ANGPT2: variants seen among roughly 807,000 people sequenced by gnomAD.
ANGPT2 encodes the protein angiopoietin-2.
A neutral mutation model predicts 62.9 loss-of-function variants in ANGPT2; 28 were observed. The ratio of observed to expected loss-of-function variants is 0.44; its 90% CI spans 0.33 to 0.61. The LOEUF is 0.61. Among genes scored for constraint, ANGPT2 ranks in the 20% least tolerant of loss-of-function variants. The probability of loss-of-function intolerance (pLI) is 0.03; values close to 1 mark genes in which losing one functional copy is unlikely to be tolerated. For synonymous variants in ANGPT2, 284 were observed against 207.8 expected, an observed-to-expected ratio of 1.37 and a Z score of -3.15; for missense variants, 727 against 594.9, an observed-to-expected ratio of 1.22 and a Z score of -2.31.
At chr8:6,505,269 T>TAGA (rs1176364778) in intron 8 of ANGPT2, among the ~76,000 whole-genome samples, 19 of 31,142 alleles carry the variant, frequency 6.1e-4, no homozygotes, top group East Asian at 3.7e-3. Flanking sequence ...GTTTTATATA[T>TAGA]ATGTATACAT....
intron 1 of ANGPT2, among the ~76,000 whole-genome samples, chr8:6,546,649 G>C (rs1440140056): frequency 6.6e-6 from 1 of 152,136 alleles, no homozygotes; most frequent in Non-Finnish European, 1.5e-5. Context: ...ACAAGCAACT[G>C]TTGGCCTAGA....
chr8:6,551,229 A>ATT lies in ANGPT2; in HGVS notation c.288+11416_288+11417dup, dbSNP rs10708602. ...AAGCTGAGAGGGCTGCTTATTCGTGATTTTTTTTTTCTTCTTTCTCATGCA... is the reference window on the plus strand; with the variant it reads ...AAGCTGAGAGGGCTGCTTATTCGTGATTTTTTTTTTTTCTTCTTTCTCATGCA... On this transcript the variant is annotated intron_variant, in intron 1 of 8. Coordinates refer to ENST00000629816, the MANE Select transcript of ANGPT2 (RefSeq NM_001118887.2). Among the ~76,000 whole-genome samples, 4 of 150,420 alleles carry ATT rather than the reference A, an allele frequency of 2.7e-5. No homozygotes were observed. In the East Asian group the frequency reaches 5.9e-4, roughly 22 times the overall value.
At chr8:6,522,941 G>T (rs1021379147) in intron 3 of ANGPT2, among the ~76,000 whole-genome samples, 1 of 151,706 alleles carries the variant, frequency 6.6e-6, no homozygotes, top group Non-Finnish European at 1.5e-5. Context: ...TCTAACCAGC[G>T]CTATGGCATG....
intron 7 of ANGPT2, among the ~76,000 whole-genome samples, chr8:6,513,110 C>G (rs763640548): frequency 1.3e-5 from 2 of 152,206 alleles, no homozygotes; most frequent in Admixed American, 6.5e-5. Context: ...AGCCAATTAT[C>G]TACCAGGCAG....
rs192866296 is a variant in ANGPT2 at position 6,532,272 on chromosome 8, G to T, written c.444+60C>A. On this transcript the variant is annotated intron_variant, in intron 2 of 8. Coordinates refer to ENST00000629816, the MANE Select transcript of ANGPT2 (RefSeq NM_001118887.2). ...TGCCTTCATTGAGGAAGCTCCTGAC[G>T]CGACTGAGTGCTAGTCTCTAGCTGC... is the stretch of plus-strand genomic sequence containing the variant. The T allele has an allele frequency of 2.9e-4, 465 of 1,594,902 alleles. 1 individual carries two copies. In the African/African-American group the frequency reaches 5.8e-3, roughly 20 times the overall value.
chr8:6,504,215 G>C (rs1225094191), intron 8 of ANGPT2, among the ~76,000 whole-genome samples: 3 of 151,310 alleles, frequency 2.0e-5, no homozygotes, highest in Non-Finnish European at 4.4e-5. Flanking sequence ...CTACTCGGGA[G>C]GCTGAGGCAG....
At chr8:6,542,834 C>G (rs1006035121) in intron 1 of ANGPT2, among the ~76,000 whole-genome samples, 1 of 152,038 alleles carries the variant, frequency 6.6e-6, no homozygotes, top group African/African-American at 2.4e-5. Context: ...TTTACTTGGT[C>G]ACAATGACTA....
intron 1 of ANGPT2, among the ~76,000 whole-genome samples, chr8:6,539,551 C>G (rs1821145426): frequency 6.6e-6 from 1 of 152,126 alleles, no homozygotes; most frequent in Non-Finnish European, 1.5e-5. Flanking sequence ...TGGATCTGTT[C>G]TGATCTAGCC....
At position 6,508,944 on chromosome 8, in the gene ANGPT2, T is replaced by A. The variant is rs963925218; in HGVS notation, c.1315A>T (p.Met439Leu). Residue 439 changes from methionine (M) to leucine (L), a missense_variant, in exon 8 of 9, where the codon ATG (methionine) becomes TTG (leucine). Coordinates refer to ENST00000629816, the MANE Select transcript of ANGPT2 (RefSeq NM_001118887.2). ...AAGTCATCCCTACCTCCTGTTAGCA[T>A]TTGTGAACATTTGCAAATACATTTG... ...NDKCICKCSQ[M>L]LTGGWWFDAC... 5.6e-6 allele frequency: 9 copies of A among 1,614,180 alleles called. No individual in the cohort carries two copies. The highest frequency in any genetic ancestry group is 6.8e-6 in the Non-Finnish European group (8 of 1,180,024).
chr8:6,546,363 T>C (rs1279489534), intron 1 of ANGPT2, among the ~76,000 whole-genome samples: 2 of 152,094 alleles, frequency 1.3e-5, no homozygotes, highest in African/African-American at 4.8e-5. Context: ...TAAAGCTAGG[T>C]TTTTGGTGGT....
chr8:6,523,965 G>C (rs1817859695), intron 3 of ANGPT2, among the ~76,000 whole-genome samples: 2 of 151,732 alleles, frequency 1.3e-5, no homozygotes, highest in Non-Finnish European at 2.9e-5. Context: ...ACCTAAAGAG[G>C]CTTTCTGTGA....
At chr8:6,534,764 T>G (rs1207961488) in intron 1 of ANGPT2, among the ~76,000 whole-genome samples, 2 of 152,256 alleles carry the variant, frequency 1.3e-5, no homozygotes, top group Non-Finnish European at 2.9e-5. Context: ...CAGAGTTAGC[T>G]CAGGCTTTTT....
At chr8:6,510,182 A>G (rs758137166) in intron 7 of ANGPT2, among the ~76,000 whole-genome samples, 5 of 151,442 alleles carry the variant, frequency 3.3e-5, no homozygotes, top group Non-Finnish European at 4.4e-5. Flanking sequence ...ATTTTCCATA[A>G]CTATGCTCAA....
In ANGPT2 at chr8:6,499,711, G is replaced by T; in HGVS notation, c.*3390C>A. 1.4e-6 allele frequency: 1 copy of T among 704,176 alleles called. No individual in the cohort carries two copies. The highest frequency in any genetic ancestry group is 1.7e-5 in the African/African-American group (1 of 57,430). The allele number at this position is 704,176 out of a possible 1,614,324, so 43.6% of individuals were successfully genotyped here. On this transcript the variant is annotated 3_prime_UTR_variant, in exon 9 of 9. Transcript: ENST00000629816. ...ATTTATGCAACATGAAGATTCTGAA[G>T]GGACTTTGTTGTCTGAGAACACATC...
At chr8:6,504,979 C>T (rs1381991309) in intron 8 of ANGPT2, among the ~76,000 whole-genome samples, 1 of 151,562 alleles carries the variant, frequency 6.6e-6, no homozygotes, top group South Asian at 2.1e-4. Flanking sequence ...GTTGGAGGAA[C>T]ACATACAGTA....
intron 1 of ANGPT2, among the ~76,000 whole-genome samples, chr8:6,552,523 G>A (rs1344344748): frequency 6.6e-6 from 1 of 152,188 alleles, no homozygotes; most frequent in Non-Finnish European, 1.5e-5. Flanking sequence ...CCCGATTAGG[G>A]TGACTGGAAT....
Position 6,563,043 on chromosome 8 carries a change from G to C in ANGPT2, c.-109C>G. The C allele has an allele frequency of 8.0e-7, 1 of 1,256,046 alleles. No individual in the cohort carries two copies. The highest frequency in any genetic ancestry group is 1.1e-6 in the Non-Finnish European group (1 of 923,530). The allele number at this position is 1,256,046 out of a possible 1,614,324, so 77.8% of individuals were successfully genotyped here. On this transcript the variant is annotated 5_prime_UTR_variant, in exon 1 of 9. Transcript: ENST00000629816. ...GCAGGGCTGCTACGCTGCCATGGCT[G>C]GGTCCGTCAATGAAAGTCTTCTCTT...
chr8:6,505,611 C>G (rs1813440398), intron 8 of ANGPT2, among the ~76,000 whole-genome samples: 1 of 122,822 alleles, frequency 8.1e-6, no homozygotes, highest in African/African-American at 3.1e-5. Context: ...TATATATATT[C>G]TTTATATATT....
intron 1 of ANGPT2, 121 bp from the exon 2 acceptor site, chr8:6,532,608 G>C: frequency 1.4e-6 from 1 of 702,170 alleles, no homozygotes; most frequent in East Asian, 3.2e-5. Context: ...CAAAAGACTT[G>C]TACCTTGCCT....
Sources: gnomAD v4.1 joint callset for allele counts (sites outside exome capture counted in the v4.1 genomes callset) on GRCh38, gnomAD v4.1.1 for gene constraint, MANE v1.5 for transcripts, NCBI Gene and HGNC (gene_info 2026-07-23, HGNC 2026-07-21) for gene names.